Variants in PCDH9 observed in about 807,000 individuals in gnomAD.
PCDH9 encodes protocadherin-9.
PCDH9 carries 24 observed loss-of-function variants against 70.6 expected under a neutral mutation model. The ratio of observed to expected loss-of-function variants is 0.34; its 90% CI spans 0.25 to 0.48. PCDH9 has a LOEUF of 0.48. PCDH9 is among the 20% of genes least tolerant of loss of function. The pLI is 0.99. For missense variants in PCDH9, 1,281 were observed against 1,503.6 expected (o/e 0.85, Z 2.45); for synonymous variants, 562 against 558.5 (o/e 1.01, Z -0.09).
At chr13:67,165,383 G>A (rs1432806500) in intron 2 of PCDH9, among the ~76,000 whole-genome samples, 1 of 151,974 alleles carries the variant, frequency 6.6e-6, no homozygotes, top group Non-Finnish European at 1.5e-5. Context: ...GAATTTGATG[G>A]CTGCAGAATA....
intron 3 of PCDH9, among the ~76,000 whole-genome samples, chr13:66,854,310 A>C (rs1487678827): frequency 2.6e-5 from 4 of 152,166 alleles, no homozygotes; most frequent in Non-Finnish European, 5.9e-5. Context: ...CCCTGACCTG[A>C]CATTTCTTCA....
intron 2 of PCDH9, among the ~76,000 whole-genome samples, chr13:67,187,362 C>A (rs964608970): frequency 3.9e-5 from 6 of 152,130 alleles, no homozygotes; most frequent in Non-Finnish European, 7.3e-5. Flanking sequence ...TAGAAATGTG[C>A]ACCAAAGTGT....
At chr13:66,802,875 T>G (rs887773808) in intron 3 of PCDH9, among the ~76,000 whole-genome samples, 10 of 152,086 alleles carry the variant, frequency 6.6e-5, no homozygotes, top group Admixed American at 2.6e-4. Context: ...AGCACTCTAA[T>G]ACTATTAATA....
At chr13:66,800,254 T>C (rs1333166629) in intron 3 of PCDH9, among the ~76,000 whole-genome samples, 2 of 152,112 alleles carry the variant, frequency 1.3e-5, no homozygotes, top group Middle Eastern at 3.2e-3. Context: ...CCGGGATCTA[T>C]TTCTTCTTTC....
chr13:66,956,889 T>A lies in PCDH9; in HGVS notation c.3037-53284A>T, dbSNP rs1594311100. Among the ~76,000 whole-genome samples, 2 of 152,298 alleles carry A rather than the reference T, an allele frequency of 1.3e-5. 1 individual carries two copies. On this transcript the variant is annotated intron_variant, in intron 2 of 4. Transcript: ENST00000377865. ...CCACCAAAACATACCCAGGAATTAT[T>A]TTTAATTTGGGCTGGCATTTTATTC...
At chr13:66,549,538 TA>T (rs904973337) in intron 4 of PCDH9, among the ~76,000 whole-genome samples, 3 of 151,680 alleles carry the variant, frequency 2.0e-5, no homozygotes, top group Non-Finnish European at 4.4e-5. Flanking sequence ...TATTTTTTTT[TA>T]AAAAAAGGTT....
intron 2 of PCDH9, among the ~76,000 whole-genome samples, chr13:67,099,387 G>A (rs2086386589): frequency 1.3e-5 from 2 of 152,112 alleles, no homozygotes; most frequent in South Asian, 4.1e-4. Flanking sequence ...CATTCAATTT[G>A]TAAATATGCA....
intron 4 of PCDH9, among the ~76,000 whole-genome samples, chr13:66,616,393 A>G (rs945616115): frequency 1.2e-5 from 1 of 80,410 alleles, no homozygotes; most frequent in Non-Finnish European, 2.9e-5. Context: ...ACTCATTCCT[A>G]TCAGAAGTTT....
rs563350072 is a variant in PCDH9 at position 66,545,108 on chromosome 13, A to G, written c.3340+86102T>C. On this transcript the variant is annotated intron_variant, in intron 4 of 4. Transcript: ENST00000377865. Reference sequence around the variant, plus strand: ...ATTTTTGGTACCCTAAGACTACATGATTACATTGAATAAGAAAAACAAGGT... The same window carrying G: ...ATTTTTGGTACCCTAAGACTACATGGTTACATTGAATAAGAAAAACAAGGT... Among the ~76,000 whole-genome samples, 8 of 152,274 alleles carry G rather than the reference A, an allele frequency of 5.3e-5. 1 individual carries two copies. The South Asian group carries it at 1.7e-3, about 32-fold the overall frequency.
chr13:66,391,883 CATATAT>C (rs140840857), intron 4 of PCDH9, among the ~76,000 whole-genome samples: 7 of 143,262 alleles, frequency 4.9e-5, no homozygotes, highest in African/African-American at 1.3e-4. Context: ...GCCATATATG[CATATAT>C]ATATATATAT....
chr13:67,012,393 T>C lies in PCDH9; in HGVS notation c.3037-108788A>G, dbSNP rs186488698. Among the ~76,000 whole-genome samples the C allele has an allele frequency of 2.2e-3, 334 of 152,020 alleles. 2 individuals are homozygous for C. Among genetic ancestry groups the C allele is most frequent in the Admixed American group, 0.018 (275 of 15,230 alleles). ...TCATGTTTTCTCTGGTGATTTACAT[T>C]CTTTTTCAAGGCACAACAAGTAAGT... is the stretch of plus-strand genomic sequence containing the variant. On this transcript the variant is annotated intron_variant, in intron 2 of 4. Coordinates refer to ENST00000377865, the MANE Select transcript of PCDH9 (RefSeq NM_203487.3).
chr13:66,565,194 A>G (rs746495044), intron 4 of PCDH9, among the ~76,000 whole-genome samples: 4 of 152,216 alleles, frequency 2.6e-5, no homozygotes, highest in Non-Finnish European at 4.4e-5. Context: ...TTTATACAAG[A>G]AAGAACTAAT....
rs117195199 is a variant in PCDH9 at position 66,626,230 on chromosome 13, T to G, written c.3340+4980A>C. Among the ~76,000 whole-genome samples, 636 of 152,176 alleles carry G rather than the reference T, an allele frequency of 4.2e-3. 18 individuals are homozygous for G. The East Asian group carries it at 0.081, about 19-fold the overall frequency. ...GAGAGGGGAGGGAATATAAAGAGGA[T>G]AGATTCTGTGCCATGTTTGTTGAGC... On this transcript the variant is annotated intron_variant, in intron 4 of 4. Coordinates refer to ENST00000377865, the MANE Select transcript of PCDH9 (RefSeq NM_203487.3).
chr13:67,024,673 A>G (rs1270331712), intron 2 of PCDH9, among the ~76,000 whole-genome samples: 5 of 152,034 alleles, frequency 3.3e-5, no homozygotes, highest in African/African-American at 1.2e-4. Flanking sequence ...TACACCATAA[A>G]ACCTGGCAAA....
At chr13:66,541,926 C>T (rs1960974074) in intron 4 of PCDH9, among the ~76,000 whole-genome samples, 1 of 152,038 alleles carries the variant, frequency 6.6e-6, no homozygotes. Context: ...TACTGTTTTC[C>T]TTATCTGTAA....
chr13:67,162,062 A>G (rs1027647985), intron 2 of PCDH9, among the ~76,000 whole-genome samples: 2 of 152,206 alleles, frequency 1.3e-5, no homozygotes, highest in South Asian at 2.1e-4. Context: ...TTTTTGCTCT[A>G]TCTTCTGGGA....
chr13:66,452,989 T>C (rs920841369), intron 4 of PCDH9, among the ~76,000 whole-genome samples: 1 of 151,980 alleles, frequency 6.6e-6, no homozygotes, highest in Non-Finnish European at 1.5e-5. Flanking sequence ...CACCCATCCA[T>C]CCATTCAGCC....
rs545451595 is a variant in PCDH9, at chr13:66,508,505, T to C, written c.3340+122705A>G. 3.3e-5 allele frequency among the ~76,000 whole-genome samples: 5 copies of C among 152,348 alleles called. No individual in the cohort carries two copies. The South Asian group carries it at 1.0e-3, about 32-fold the overall frequency. Reference sequence around the variant, plus strand: ...AATTCTTCACTCTTGTGTTGCTCACTAGTAATCATAATACCAAAGAACGGA... The same window carrying C: ...AATTCTTCACTCTTGTGTTGCTCACCAGTAATCATAATACCAAAGAACGGA... On this transcript the variant is annotated intron_variant, in intron 4 of 4. Transcript: ENST00000377865.
At chr13:66,708,030 C>A (rs550858874) in intron 3 of PCDH9, among the ~76,000 whole-genome samples, 1 of 151,840 alleles carries the variant, frequency 6.6e-6, no homozygotes, top group Admixed American at 6.5e-5. Flanking sequence ...ACAGATAACA[C>A]TTTTATTTTA....
Sources: gnomAD v4.1 joint callset for allele counts (sites outside exome capture counted in the v4.1 genomes callset) on GRCh38, gnomAD v4.1.1 for gene constraint, MANE v1.5 for transcripts, NCBI Gene and HGNC (gene_info 2026-07-23, HGNC 2026-07-21) for gene names.